Variants in MTMR2 observed in about 807,000 individuals in gnomAD.
The protein encoded by MTMR2 is myotubularin related protein 2, also known as phosphatidylinositol-3,5-bisphosphate 3-phosphatase MTMR2.
In MTMR2, 55 loss-of-function variants were observed where a neutral mutation model predicts 86.9. The observed-to-expected ratio is 0.63, with a 90% CI of 0.51 to 0.79. The LOEUF (loss-of-function observed/expected upper bound fraction) is 0.79. MTMR2 is among the 30% of genes least tolerant of loss of function. The pLI is 0.00. For synonymous variants in MTMR2, 241 were observed against 266.8 expected (o/e 0.90, Z 0.94); for missense variants, 659 against 772.3 (o/e 0.85, Z 1.74).
intron 2 of MTMR2, among the ~76,000 whole-genome samples, chr11:95,867,194 C>G (rs902708529): frequency 6.6e-6 from 1 of 152,072 alleles, no homozygotes; most frequent in Non-Finnish European, 1.5e-5. Flanking sequence ...TATTCTTTCC[C>G]CGGTCTACCA....
At chr11:95,905,812 G>C (rs1866252074) in intron 1 of MTMR2, among the ~76,000 whole-genome samples, 2 of 151,816 alleles carry the variant, frequency 1.3e-5, no homozygotes, top group Admixed American at 6.6e-5. Context: ...TAGTAGGCCA[G>C]ATATATTCAC....
At chr11:95,901,759 A>G (rs567813840) in intron 1 of MTMR2, among the ~76,000 whole-genome samples, 13 of 152,332 alleles carry the variant, frequency 8.5e-5, no homozygotes, top group Non-Finnish European at 1.2e-4. Flanking sequence ...TATAAACTCA[A>G]TGCATGAGGA....
intron 2 of MTMR2, among the ~76,000 whole-genome samples, chr11:95,874,283 A>G (rs1399683911): frequency 6.6e-6 from 1 of 152,186 alleles, no homozygotes; most frequent in African/African-American, 2.4e-5. Flanking sequence ...GTGCTCCTGT[A>G]TTAGGTGCAT....
rs149099676 is a variant in MTMR2 at position 95,867,262 on chromosome 11, T to C, written c.187-1586A>G. 1.3e-4 allele frequency among the ~76,000 whole-genome samples: 20 copies of C among 152,334 alleles called. No individual in the cohort carries two copies. In the East Asian group the frequency reaches 3.1e-3, roughly 23 times the overall value. ...ATAACGCTGGGCAGTAGTTCCCATA[T>C]TGCATATGTATACCTTCTTGTGGCT... On this transcript the variant is annotated intron_variant, in intron 2 of 14. Coordinates refer to ENST00000346299, the MANE Select transcript of MTMR2 (RefSeq NM_016156.6).
At chr11:95,918,014 G>A (rs1866773302) in intron 1 of MTMR2, among the ~76,000 whole-genome samples, 1 of 152,116 alleles carries the variant, frequency 6.6e-6, no homozygotes, top group African/African-American at 2.4e-5. Context: ...AAATGCCTTA[G>A]GAAATTTCCT....
chr11:95,835,246 T>G lies in MTMR2; in HGVS notation c.*44A>C. 1 of 1,597,580 alleles carries G rather than the reference T, an allele frequency of 6.3e-7. No individual in the cohort carries two copies. The highest frequency in any genetic ancestry group is 8.6e-7 in the Non-Finnish European group (1 of 1,165,952). On this transcript the variant is annotated 3_prime_UTR_variant, in exon 15 of 15. Transcript: ENST00000346299. Reference sequence around the variant, plus strand: ...CTTTCTACTCATAGAGCTGCCAGTGTAATCAAGAGTGTATAGCAATGATGC... The same window carrying G: ...CTTTCTACTCATAGAGCTGCCAGTGGAATCAAGAGTGTATAGCAATGATGC...
At position 95,841,617 on chromosome 11, in the gene MTMR2, C is replaced by T; in HGVS notation, c.1479G>A (p.Gln493=). Residue 493 remains glutamine (Q), a splice_region_variant and synonymous_variant, in exon 12 of 15, where the codon CAG becomes CAA. Coordinates refer to ENST00000346299, the MANE Select transcript of MTMR2 (RefSeq NM_016156.6). ...FIDCVWQMTR[Q]FPTAFEFNEY... ...AGAATACATAGGCCAGATAAATTAC[C>T]TGTCTTGTCATCTGCCAGACACAGT... The T allele has an allele frequency of 6.2e-7, 1 of 1,605,434 alleles. No homozygotes were observed.
chr11:95,842,868 T>C (rs942154038), intron 11 of MTMR2, among the ~76,000 whole-genome samples: 2 of 152,198 alleles, frequency 1.3e-5, no homozygotes, highest in Non-Finnish European at 2.9e-5. Context: ...ATTTCTCTTA[T>C]GCCAGTGTAC....
intron 11 of MTMR2, among the ~76,000 whole-genome samples, chr11:95,842,857 C>A (rs1863606721): frequency 6.6e-6 from 1 of 152,130 alleles, no homozygotes; most frequent in African/African-American, 2.4e-5. Context: ...AAAAAAAGTC[C>A]ATTTCTCTTA....
intron 2 of MTMR2, among the ~76,000 whole-genome samples, chr11:95,866,194 G>A (rs1864611501): frequency 2.0e-5 from 3 of 152,290 alleles, no homozygotes; most frequent in South Asian, 4.1e-4. Context: ...TGTTGAAAAA[G>A]AGTTTAAATA....
chr11:95,918,924 C>T (rs368860472), intron 1 of MTMR2, among the ~76,000 whole-genome samples: 5 of 152,182 alleles, frequency 3.3e-5, no homozygotes, highest in Non-Finnish European at 5.9e-5. Context: ...GCAGCCTCAA[C>T]GTTCCCAGGC....
At chr11:95,868,273 T>TAAAAAAAAAAAAAAAAAAAAAAA (rs555618890) in intron 2 of MTMR2, among the ~76,000 whole-genome samples, 3 of 42,216 alleles carry the variant, frequency 7.1e-5, no homozygotes, top group African/African-American at 9.5e-5. Flanking sequence ...GACCCTGTGC[T>TAAAAAAAAAAAAAAAAAAAAAAA]AAAAAAAAAA....
intron 1 of MTMR2, among the ~76,000 whole-genome samples, chr11:95,907,563 A>C (rs1479136815): frequency 6.6e-6 from 1 of 152,164 alleles, no homozygotes; most frequent in Admixed American, 6.5e-5. Flanking sequence ...ACAACGAAAA[A>C]AGAAAACTTC....
chr11:95,837,241 TG>T (rs1382227384), intron 13 of MTMR2, among the ~76,000 whole-genome samples: 1 of 152,028 alleles, frequency 6.6e-6, no homozygotes, highest in Admixed American at 6.6e-5. Context: ...TGTGGTATTT[TG>T]TATTGCTTAT....
intron 8 of MTMR2, among the ~76,000 whole-genome samples, chr11:95,850,111 GA>G (rs1228335539): frequency 6.6e-6 from 1 of 151,834 alleles, no homozygotes; most frequent in African/African-American, 2.4e-5. Context: ...GTTATCTCCT[GA>G]AAAAAATACT....
At chr11:95,846,430 A>G (rs984313202) in intron 10 of MTMR2, among the ~76,000 whole-genome samples, 3 of 152,202 alleles carry the variant, frequency 2.0e-5, no homozygotes, top group African/African-American at 4.8e-5. Context: ...ACAGTATACC[A>G]GATGGCAATA....
chr11:95,919,727 A>G (rs1267344295), intron 1 of MTMR2, among the ~76,000 whole-genome samples: 2 of 152,192 alleles, frequency 1.3e-5, no homozygotes. Context: ...TGAAATTGCA[A>G]GTGTTCAGGC....
At chr11:95,896,378 C>A (rs1372928257) in intron 1 of MTMR2, among the ~76,000 whole-genome samples, 1 of 151,320 alleles carries the variant, frequency 6.6e-6, no homozygotes, top group African/African-American at 2.4e-5. Flanking sequence ...TGCAACAGTG[C>A]AATCATAGCT....
intron 12 of MTMR2, among the ~76,000 whole-genome samples, chr11:95,840,986 C>T (rs1054928013): frequency 1.1e-4 from 16 of 152,042 alleles, no homozygotes; most frequent in African/African-American, 2.9e-4. Flanking sequence ...GACAATGACC[C>T]GTTGCCTCAT....
Sources: allele counts gnomAD v4.1 joint callset (sites outside exome capture counted in the v4.1 genomes callset), GRCh38; gene constraint gnomAD v4.1.1; transcripts MANE v1.5; gene names NCBI Gene and HGNC (gene_info 2026-07-23, HGNC 2026-07-21).